OPHN1: variants seen among roughly 807,000 people sequenced by gnomAD.
OPHN1 encodes oligophrenin-1.
Under a neutral mutation model 60.7 loss-of-function variants are expected in OPHN1, and 11 were observed. The ratio of observed to expected loss-of-function variants is 0.18; its 90% confidence interval spans 0.11 to 0.30. OPHN1 has a LOEUF of 0.30. Ranked by LOEUF, OPHN1 falls within the 10% of genes least tolerant of loss-of-function variation. The pLI is 1.00. For synonymous variants in OPHN1, 226 were observed against 222.6 expected, an observed-to-expected ratio of 1.02 and a Z score of -0.14; for missense variants, 449 against 611.0, an observed-to-expected ratio of 0.73 and a Z score of 2.80.
chrX:68,231,072 G>A (rs1441689985), intron 6 of OPHN1, among the ~76,000 whole-genome samples: 2 of 111,091 alleles, frequency 1.8e-5, no homozygotes, highest in African/African-American at 6.5e-5. Context: ...AGAAATAAAA[G>A]AATGAAAAAA....
chrX:68,186,475 T>TA lies in OPHN1; in HGVS notation c.1276+6443dup, dbSNP rs748164914. 8.9e-3 allele frequency among the ~76,000 whole-genome samples: 685 copies of TA among 77,279 alleles called. 1 individual carries two copies. The highest frequency in any genetic ancestry group is 0.015 in the African/African-American group (307 of 20,486). The allele number at this position is 77,279 out of a possible 115,157, so 67.1% of individuals were successfully genotyped here. A position where few individuals can be genotyped will look rare whatever the true frequency, so the allele number is the denominator to read the frequency against. On this transcript the variant is annotated intron_variant, in intron 15 of 24. Coordinates refer to ENST00000355520, the MANE Select transcript of OPHN1 (RefSeq NM_002547.3). Reference sequence around the variant, plus strand: ...TACAGCATGTTTGACAATATTACAGTAAAAAAAAAAAAAAGCTAGTGGCAA... The same window carrying TA: ...TACAGCATGTTTGACAATATTACAGTAAAAAAAAAAAAAAAGCTAGTGGCAA...
At chrX:68,317,338 GGAAAGAAA>G (rs796692093) in intron 2 of OPHN1, among the ~76,000 whole-genome samples, 15 of 28,832 alleles carry the variant, frequency 5.2e-4, no homozygotes, top group East Asian at 3.0e-3. Context: ...AAGAAAGAGA[GGAAAGAAA>G]GAAAGAAAGA....
chrX:68,188,070 G>A (rs973467453), intron 15 of OPHN1, among the ~76,000 whole-genome samples: 7 of 112,230 alleles, frequency 6.2e-5, no homozygotes, highest in African/African-American at 2.3e-4. Flanking sequence ...GCAGCAGGAA[G>A]CAGGTGGGAT....
At chrX:68,374,086 G>A (rs1217445490) in intron 2 of OPHN1, among the ~76,000 whole-genome samples, 10 of 111,378 alleles carry the variant, frequency 9.0e-5, no homozygotes, top group Non-Finnish European at 1.3e-4. Context: ...TCCAGGGCAC[G>A]GTGGCTCATG....
At chrX:68,107,709 C>A (rs1226376146) in intron 18 of OPHN1, among the ~76,000 whole-genome samples, 2 of 111,230 alleles carry the variant, frequency 1.8e-5, no homozygotes, top group African/African-American at 6.5e-5. Context: ...CTCGTTACCT[C>A]AGGTGATCCA....
intron 2 of OPHN1, among the ~76,000 whole-genome samples, chrX:68,333,132 A>AT (rs1485064527): frequency 4.6e-5 from 5 of 109,706 alleles, no homozygotes; most frequent in African/African-American, 6.6e-5. Context: ...ATAAATACTT[A>AT]TTTTTTTAAA....
chrX:68,164,656 T>C (rs2077349791), intron 15 of OPHN1, among the ~76,000 whole-genome samples: 1 of 112,032 alleles, frequency 8.9e-6, no homozygotes. Flanking sequence ...ATTTGCAGAA[T>C]GGTCAATGAG....
Position 68,105,556 on chromosome X carries a change from A to C in OPHN1, c.1526+6298T>G, listed in dbSNP as rs779419499. ...ATCATTCTCAGAAAACTAACATAGGAACAGAAAACCAAACACCACATGTTT... is the reference window on the plus strand; with the variant it reads ...ATCATTCTCAGAAAACTAACATAGGCACAGAAAACCAAACACCACATGTTT... On this transcript the variant is annotated intron_variant, in intron 18 of 24. Coordinates refer to ENST00000355520, the MANE Select transcript of OPHN1 (RefSeq NM_002547.3). Among the ~76,000 whole-genome samples, 10 of 108,005 alleles carry C rather than the reference A, an allele frequency of 9.3e-5. No homozygotes were observed. In the South Asian group the frequency reaches 4.3e-3, roughly 46 times the overall value. The allele number at this position is 108,005 out of a possible 115,157, so 93.8% of individuals were successfully genotyped here. A position where few individuals can be genotyped will look rare whatever the true frequency, so the allele number is the denominator to read the frequency against.
At chrX:68,053,948 A>AATTT in intron 21 of OPHN1, 138 bp from the exon 22 acceptor site, 1 of 463,820 alleles carries the variant, frequency 2.2e-6, no homozygotes, top group Non-Finnish European at 3.4e-6. Flanking sequence ...AACTCTGGCT[A>AATTT]TTTTTTTTTT....
intron 5 of OPHN1, among the ~76,000 whole-genome samples, chrX:68,263,815 CA>C (rs1698602914): frequency 9.0e-6 from 1 of 110,853 alleles, no homozygotes; most frequent in African/African-American, 3.3e-5. Context: ...AGTCACATTT[CA>C]AAAAGAAAAA....
chrX:68,433,034 G>A lies in OPHN1; in HGVS notation c.-4-10C>T. 1 of 1,189,288 alleles carries A rather than the reference G, an allele frequency of 8.4e-7. No homozygotes were observed. On this transcript the variant is annotated splice_polypyrimidine_tract_variant and intron_variant, in intron 1 of 24. Transcript: ENST00000355520. Reference sequence around the variant, plus strand: ...GGGATGACCCATGGTTCTGATGGCCGGGAGTAGGGGGAAAGGGGAAAGACA... The same window carrying A: ...GGGATGACCCATGGTTCTGATGGCCAGGAGTAGGGGGAAAGGGGAAAGACA...
At chrX:68,282,808 T>C (rs781075833) in intron 4 of OPHN1, among the ~76,000 whole-genome samples, 1 of 111,936 alleles carries the variant, frequency 8.9e-6, no homozygotes, top group Non-Finnish European at 1.9e-5. Flanking sequence ...TAATATCCAC[T>C]GAAATTATTT....
chrX:68,375,544 C>T (rs949788707), intron 2 of OPHN1, among the ~76,000 whole-genome samples: 5 of 111,132 alleles, frequency 4.5e-5, no homozygotes, highest in African/African-American at 1.6e-4. Context: ...CTAACATTTA[C>T]AGAGTGCTTG....
intron 15 of OPHN1, among the ~76,000 whole-genome samples, chrX:68,161,283 G>T (rs1436652135): frequency 9.0e-6 from 1 of 111,105 alleles, no homozygotes; most frequent in African/African-American, 3.3e-5. Flanking sequence ...AAAACTTCAA[G>T]AATTAATATG....
At chrX:68,288,875 G>T (rs1325963556) in intron 3 of OPHN1, among the ~76,000 whole-genome samples, 1 of 112,140 alleles carries the variant, frequency 8.9e-6, no homozygotes, top group East Asian at 2.8e-4. Flanking sequence ...GCCTCTTACG[G>T]ATCTATTTTT....
intron 2 of OPHN1, among the ~76,000 whole-genome samples, chrX:68,364,644 A>G (rs925384582): frequency 1.1e-4 from 12 of 112,545 alleles, no homozygotes; most frequent in Non-Finnish European, 1.7e-4. Context: ...AAAATGCTAG[A>G]CAGCCATTAA....
chrX:68,268,751 C>T (rs1048729693), intron 5 of OPHN1, among the ~76,000 whole-genome samples: 1 of 111,043 alleles, frequency 9.0e-6, no homozygotes, highest in Non-Finnish European at 1.9e-5. Flanking sequence ...GGCAATCAGG[C>T]AGGAGAAGGA....
intron 2 of OPHN1, among the ~76,000 whole-genome samples, chrX:68,426,431 ACT>A (rs1257239176): frequency 2.9e-5 from 3 of 104,289 alleles, no homozygotes; most frequent in Non-Finnish European, 5.9e-5. Context: ...ACTGAGTAAG[ACT>A]CTGTCTCAAC....
At chrX:68,395,799 TG>T (rs1194315351) in intron 2 of OPHN1, among the ~76,000 whole-genome samples, 1 of 110,687 alleles carries the variant, frequency 9.0e-6, no homozygotes, top group East Asian at 2.9e-4. Flanking sequence ...TTGTCCAGGA[TG>T]GTCACAAACT....
Sources: allele counts gnomAD v4.1 joint callset (sites outside exome capture counted in the v4.1 genomes callset), GRCh38; gene constraint gnomAD v4.1.1; transcripts MANE v1.5; gene names NCBI Gene and HGNC (gene_info 2026-07-23, HGNC 2026-07-21).